The following SLC2A9 variants were observed in gnomAD, a reference collection of about 807,000 sequenced individuals.
SLC2A9 encodes solute carrier family 2, facilitated glucose transporter member 9.
Under a neutral mutation model 50.6 loss-of-function variants are expected in SLC2A9, and 39 were observed. That is an observed-to-expected ratio of 0.77 (90% confidence interval 0.60 to 1.01). SLC2A9 has a LOEUF of 1.01. Among genes scored for constraint, SLC2A9 ranks in the 50% least tolerant of loss-of-function variants. SLC2A9 has a pLI of 0.00. For missense variants in SLC2A9, 686 were observed against 677.6 expected, an observed-to-expected ratio of 1.01 and a Z score of -0.14; for synonymous variants, 324 against 276.9, an observed-to-expected ratio of 1.17 and a Z score of -1.69.
intron 10 of SLC2A9, among the ~76,000 whole-genome samples, chr4:9,877,692 T>A (rs1022042828): frequency 2.0e-5 from 3 of 152,156 alleles, no homozygotes; most frequent in African/African-American, 4.8e-5. Flanking sequence ...AGGGCCAGGA[T>A]GTTTCATGGT....
chr4:9,869,462 GGCTCCTGT>G (rs1447872312), intron 10 of SLC2A9, among the ~76,000 whole-genome samples: 3 of 132,764 alleles, frequency 2.3e-5, no homozygotes, highest in South Asian at 2.5e-4. Context: ...TCTGGCCCTG[GGCTCCTGT>G]GCTCCTCCTT....
chr4:9,772,649 C>A (rs184426556), intron 1 of SLC2A9, among the ~76,000 whole-genome samples: 198 of 152,270 alleles, frequency 1.3e-3, no homozygotes, highest in African/African-American at 4.5e-3. Context: ...AAATTATTAA[C>A]AAGAAATAAA....
intron 8 of SLC2A9, among the ~76,000 whole-genome samples, chr4:9,897,496 A>G (rs1461829282): frequency 6.6e-6 from 1 of 152,054 alleles, no homozygotes; most frequent in African/African-American, 2.4e-5. Context: ...TTGTTTGGGA[A>G]TAGGGTCTTT....
intron 10 of SLC2A9, among the ~76,000 whole-genome samples, chr4:9,858,748 G>T (rs1455906460): frequency 6.6e-6 from 1 of 152,196 alleles, no homozygotes; most frequent in Non-Finnish European, 1.5e-5. Flanking sequence ...ATTGAAGGAT[G>T]CAAAGTATTG....
At chr4:9,882,227 G>A (rs902863603) in intron 10 of SLC2A9, among the ~76,000 whole-genome samples, 1 of 152,100 alleles carries the variant, frequency 6.6e-6, no homozygotes, top group Admixed American at 6.5e-5. Flanking sequence ...CCCCATCCTG[G>A]GAAGATAAAA....
intron 6 of SLC2A9, among the ~76,000 whole-genome samples, chr4:9,921,295 C>G (rs1000510232): frequency 5.3e-5 from 8 of 151,932 alleles, no homozygotes; most frequent in African/African-American, 1.9e-4. Context: ...CTCAGAGAAC[C>G]CATCATTTTT....
chr4:9,804,107 T>C (rs189944150), intron 3 of SLC2A9, among the ~76,000 whole-genome samples: 6 of 152,310 alleles, frequency 3.9e-5, no homozygotes, highest in Admixed American at 6.5e-5. Flanking sequence ...GAGAGCAAGA[T>C]ACATGAACAG....
At chr4:9,793,322 G>C (rs1489073147) in intron 3 of SLC2A9, among the ~76,000 whole-genome samples, 1 of 152,162 alleles carries the variant, frequency 6.6e-6, no homozygotes, top group Non-Finnish European at 1.5e-5. Flanking sequence ...CAGCAAAGTG[G>C]TATGAACTGA....
upstream of SLC2A9, among the ~76,000 whole-genome samples, chr4:10,023,263 G>T (rs992181913): frequency 4.6e-5 from 7 of 152,220 alleles, no homozygotes; most frequent in African/African-American, 1.7e-4. Flanking sequence ...GTGAAGCATG[G>T]TTGGGGCCTG....
At chr4:9,923,757 C>G (rs986112032) in intron 6 of SLC2A9, 1 of 152,324 alleles carries the variant, frequency 6.6e-6, no homozygotes, top group Non-Finnish European at 1.5e-5. Context: ...TGCTTACGGC[C>G]CCCCGTCTGT....
intron 10 of SLC2A9, among the ~76,000 whole-genome samples, chr4:9,874,205 C>T (rs1481653772): frequency 2.6e-5 from 4 of 152,144 alleles, no homozygotes; most frequent in Admixed American, 6.6e-5. Context: ...CTTTAGCTGG[C>T]TACCTCCAGG....
At chr4:9,862,229 G>A (rs760218397) in intron 10 of SLC2A9, among the ~76,000 whole-genome samples, 2 of 152,026 alleles carry the variant, frequency 1.3e-5, no homozygotes, top group Non-Finnish European at 2.9e-5. Flanking sequence ...ATGCTTATAG[G>A]TCTGGAGCTT....
chr4:9,893,393 T>C (rs1737898701), intron 8 of SLC2A9, among the ~76,000 whole-genome samples: 1 of 151,886 alleles, frequency 6.6e-6, no homozygotes. Context: ...ATGATTCTCA[T>C]TTGCAGGGGG....
chr4:9,860,680 C>T (rs1731466484), intron 10 of SLC2A9, among the ~76,000 whole-genome samples: 1 of 152,252 alleles, frequency 6.6e-6, no homozygotes, highest in Admixed American at 6.5e-5. Flanking sequence ...CCTTGTGCAC[C>T]TCAATTGATG....
At chr4:9,860,844 A>G (rs1731505739) in intron 10 of SLC2A9, among the ~76,000 whole-genome samples, 1 of 152,208 alleles carries the variant, frequency 6.6e-6, no homozygotes, top group Non-Finnish European at 1.5e-5. Flanking sequence ...AGCTGCGATC[A>G]TGAATGCTGA....
intron 1 of SLC2A9, among the ~76,000 whole-genome samples, chr4:10,026,985 A>G (rs545972204): frequency 6.6e-6 from 1 of 152,184 alleles, no homozygotes; most frequent in Non-Finnish European, 1.5e-5. Context: ...CAGAGGTTGC[A>G]GTGGGCTGAG....
In SLC2A9 at chr4:9,882,792, A is replaced by G. The variant is rs532728473; in HGVS notation, c.1291+4775T>C. Among the ~76,000 whole-genome samples, 26 of 152,128 alleles carry G rather than the reference A, an allele frequency of 1.7e-4. No homozygotes were observed. The South Asian group carries it at 5.2e-3, about 30-fold the overall frequency. Reference sequence around the variant, plus strand: ...TAAACCATCTTCTATCCTCTAGGACAGACAGACAGAAACCAGGGAAATAAA... The same window carrying G: ...TAAACCATCTTCTATCCTCTAGGACGGACAGACAGAAACCAGGGAAATAAA... On this transcript the variant is annotated intron_variant, in intron 10 of 11. Coordinates refer to ENST00000264784, the MANE Select transcript of SLC2A9 (RefSeq NM_020041.3).
chr4:9,980,551 G>T (rs763040374), intron 5 of SLC2A9, 41 bp downstream of exon 5: 2 of 1,613,338 alleles, frequency 1.2e-6, no homozygotes, highest in South Asian at 1.1e-5. Context: ...GTGGTAACAT[G>T]AGATGAGAGC....
At chr4:10,024,777 T>C (rs1763698496), upstream of SLC2A9, among the ~76,000 whole-genome samples, 1 of 152,140 alleles carries the variant, frequency 6.6e-6, no homozygotes, top group Non-Finnish European at 1.5e-5. Context: ...GGCTAAAAAG[T>C]TGTCTTGGAC....
Sources: allele counts gnomAD v4.1 joint callset (sites outside exome capture counted in the v4.1 genomes callset), GRCh38; gene constraint gnomAD v4.1.1; transcripts MANE v1.5; gene names NCBI Gene and HGNC (gene_info 2026-07-23, HGNC 2026-07-21).